The following PREX1 variants were observed in gnomAD, a reference collection of about 807,000 sequenced individuals.
PREX1 encodes the protein phosphatidylinositol 3,4,5-trisphosphate-dependent Rac exchanger 1 protein.
In PREX1, 41 loss-of-function variants were observed where a neutral mutation model predicts 198.3. The ratio of observed to expected loss-of-function variants is 0.21; its 90% CI spans 0.16 to 0.27. PREX1 has a LOEUF of 0.27. Among genes scored for constraint, PREX1 ranks in the 10% least tolerant of loss-of-function variants. The pLI is 1.00. For synonymous variants in PREX1, 843 were observed against 887.2 expected, an observed-to-expected ratio of 0.95 and a Z score of 0.89; for missense variants, 1,620 against 2,200.7, an observed-to-expected ratio of 0.74 and a Z score of 5.28.
intron 4 of PREX1, among the ~76,000 whole-genome samples, chr20:48,734,297 G>C (rs1424197852): frequency 6.6e-6 from 1 of 152,124 alleles, no homozygotes; most frequent in Non-Finnish European, 1.5e-5. Context: ...ACATTCTCTA[G>C]GGCTGCTTTC....
chr20:48,874,392 T>C, the PREX1 span, among the ~76,000 whole-genome samples: 3 of 150,742 alleles, frequency 2.0e-5, no homozygotes, highest in African/African-American at 7.3e-5. Flanking sequence ...TGTGTGTGTG[T>C]GTGTGTGTGT....
intron 1 of PREX1, among the ~76,000 whole-genome samples, chr20:48,810,285 T>TAA (rs1040049610): frequency 4.9e-5 from 7 of 142,900 alleles, no homozygotes; most frequent in African/African-American, 1.8e-4. Context: ...ATTCTACAAT[T>TAA]AAAAAAAAAA....
At chr20:48,794,376 T>C (rs1034916269) in intron 1 of PREX1, among the ~76,000 whole-genome samples, 2 of 152,086 alleles carry the variant, frequency 1.3e-5, no homozygotes, top group Admixed American at 1.3e-4. Flanking sequence ...TGAAGGAAGC[T>C]GGAGGCAAAG....
At chr20:48,837,592 T>C in the PREX1 span, among the ~76,000 whole-genome samples, 1 of 152,164 alleles carries the variant, frequency 6.6e-6, no homozygotes, top group Non-Finnish European at 1.5e-5. Flanking sequence ...TACCTCACGT[T>C]CTCACTTATA....
intron 33 of PREX1, among the ~76,000 whole-genome samples, chr20:48,634,104 A>ATGGC: frequency 8.0e-6 from 1 of 124,566 alleles, no homozygotes; most frequent in Admixed American, 8.2e-5. Context: ...GGATGGATGC[A>ATGGC]TGGATGCCTG....
chr20:48,670,742 G>T (rs930522490), intron 14 of PREX1, among the ~76,000 whole-genome samples: 8 of 152,152 alleles, frequency 5.3e-5, no homozygotes, highest in African/African-American at 1.9e-4. Flanking sequence ...CTGAGAGGTG[G>T]TCTCTGCTCA....
At chr20:48,803,025 C>A (rs111961690) in intron 1 of PREX1, among the ~76,000 whole-genome samples, 1 of 152,180 alleles carries the variant, frequency 6.6e-6, no homozygotes, top group Non-Finnish European at 1.5e-5. Flanking sequence ...CTTAGAAATG[C>A]GGCATCTCAG....
At position 48,691,000 on chromosome 20, in the gene PREX1, T is replaced by C. The variant is rs2123045327; in HGVS notation, c.1133A>G (p.Glu378Gly). 3 of 1,614,122 alleles carry C rather than the reference T, an allele frequency of 1.9e-6. No homozygotes were observed. In the East Asian group the frequency reaches 6.7e-5, roughly 36 times the overall value. ...KWFVCMAKTA[E>G]EKQKWLDAII... ...GGCATCCAGCCACTTCTGCTTCTCC[T>C]CTGCCGTCTTGGCCATGCAGACAAA... The change falls in exon 9 of 40, where the codon GAG becomes GGG. Residue 378 changes from glutamate to glycine, a missense_variant. Coordinates refer to ENST00000371941, the MANE Select transcript of PREX1 (RefSeq NM_020820.4).
intron 19 of PREX1, among the ~76,000 whole-genome samples, chr20:48,653,828 G>C (rs1368365833): frequency 1.3e-5 from 2 of 152,388 alleles, no homozygotes; most frequent in East Asian, 3.9e-4. Context: ...GCATTTGGCA[G>C]AAAGCGTGAT....
At chr20:48,721,871 AT>A (rs1485735842) in intron 5 of PREX1, among the ~76,000 whole-genome samples, 1 of 150,724 alleles carries the variant, frequency 6.6e-6, no homozygotes, top group East Asian at 2.0e-4. Context: ...ATGGCGAGAC[AT>A]GGGGGTGGGG....
chr20:48,746,694 T>C (rs944542045), intron 2 of PREX1, among the ~76,000 whole-genome samples: 2 of 152,014 alleles, frequency 1.3e-5, no homozygotes, highest in South Asian at 4.1e-4. Flanking sequence ...CATTCGTACG[T>C]AGACACGCAC....
intron 15 of PREX1, among the ~76,000 whole-genome samples, chr20:48,664,331 T>C (rs1290145161): frequency 2.7e-5 from 4 of 150,068 alleles, no homozygotes; most frequent in Non-Finnish European, 5.9e-5. Context: ...GCCGAGATCC[T>C]GCCACTGCAC....
chr20:48,673,940 C>A (rs1407007972), intron 14 of PREX1, among the ~76,000 whole-genome samples: 1 of 152,214 alleles, frequency 6.6e-6, no homozygotes, highest in Non-Finnish European at 1.5e-5. Context: ...TTGGTTTTAG[C>A]TTCATTCTAC....
chr20:48,843,983 A>T, the PREX1 span, among the ~76,000 whole-genome samples: 6 of 152,110 alleles, frequency 3.9e-5, no homozygotes, highest in South Asian at 1.0e-3. Context: ...AAATTAATTT[A>T]AAAAAAGTTA....
chr20:48,797,726 G>A (rs994432377), intron 1 of PREX1, among the ~76,000 whole-genome samples: 5 of 152,222 alleles, frequency 3.3e-5, no homozygotes, highest in Admixed American at 1.3e-4. Context: ...CGTGGCCCTG[G>A]CACAGGGCGC....
chr20:48,809,920 G>T lies in PREX1; in HGVS notation c.219+17722C>A, dbSNP rs145407645. ...CATTGCCCACAGGCCACAGGAAGTGGAAGTCTGGGAAACAGATTCGCACCC... is the reference window on the plus strand; with the variant it reads ...CATTGCCCACAGGCCACAGGAAGTGTAAGTCTGGGAAACAGATTCGCACCC... On this transcript the variant is annotated intron_variant, in intron 1 of 39. Transcript: ENST00000371941. Among the ~76,000 whole-genome samples, 749 of 152,262 alleles carry T rather than the reference G, an allele frequency of 4.9e-3. 5 individuals carry two copies. The highest frequency in any genetic ancestry group is 0.017 in the African/African-American group (717 of 41,520).
At chr20:48,688,941 C>T (rs537335023) in intron 9 of PREX1, 137 bp from the exon 10 acceptor site, 34 of 999,008 alleles carry the variant, frequency 3.4e-5, no homozygotes, top group East Asian at 1.5e-4. Flanking sequence ...ACCACCACCA[C>T]GCCAGCAGCA....
intron 24 of PREX1, among the ~76,000 whole-genome samples, 185 bp from the exon 25 acceptor site, chr20:48,649,761 C>A (rs1282157854): frequency 6.6e-6 from 1 of 152,254 alleles, no homozygotes; most frequent in Non-Finnish European, 1.5e-5. Context: ...ATGCTTTTAA[C>A]TACTGTGATC....
intron 1 of PREX1, among the ~76,000 whole-genome samples, chr20:48,799,807 G>T (rs59393082): frequency 6.6e-6 from 1 of 152,180 alleles, no homozygotes; most frequent in African/African-American, 2.4e-5. Flanking sequence ...CTGGGTGAGG[G>T]GGCAGGGGCT....
Sources: gnomAD v4.1 joint callset for allele counts (sites outside exome capture counted in the v4.1 genomes callset) on GRCh38, gnomAD v4.1.1 for gene constraint, MANE v1.5 for transcripts, NCBI Gene and HGNC (gene_info 2026-07-23, HGNC 2026-07-21) for gene names.